The following NCOA5 variants were observed in gnomAD, a reference collection of about 807,000 sequenced individuals.
The protein encoded by NCOA5 is nuclear receptor coactivator 5.
In NCOA5, 12 loss-of-function variants were observed where a neutral mutation model predicts 59.0. The ratio of observed to expected loss-of-function variants is 0.20; its 90% CI spans 0.13 to 0.33. NCOA5 has a LOEUF of 0.33. Among genes scored for constraint, NCOA5 ranks in the 10% least tolerant of loss-of-function variants. The probability of loss-of-function intolerance (pLI) is 1.00; values close to 1 mark genes in which losing one functional copy is unlikely to be tolerated. For synonymous variants in NCOA5, 270 were observed against 275.5 expected, an observed-to-expected ratio of 0.98 and a Z score of 0.20; for missense variants, 655 against 766.6, an observed-to-expected ratio of 0.85 and a Z score of 1.72.
chr20:46,070,277 G>A lies in NCOA5; in HGVS notation c.298C>T (p.Arg100Ter). Reference sequence around the variant, plus strand: ...TCGTACATGGGGTCTCGCTGATCTCGAAAATCCCTAGAGTCTCTTAGATCA... The same window carrying A: ...TCGTACATGGGGTCTCGCTGATCTCAAAAATCCCTAGAGTCTCTTAGATCA... ...FRDLRDSRDF[R>*]DQRDPMYDRY... The change falls in exon 3 of 8, where the codon CGA (arginine) becomes TGA (stop). Residue 100 changes from arginine (R) to a stop codon, truncating the protein, a stop_gained. Transcript: ENST00000290231. LOFTEE classifies it high-confidence loss of function. The A allele has an allele frequency of 6.2e-7, 1 of 1,613,966 alleles. No homozygotes were observed. The highest frequency in any genetic ancestry group is 8.5e-7 in the Non-Finnish European group (1 of 1,180,004).
intron 4 of NCOA5, 133 bp downstream of exon 4, chr20:46,068,369 T>C (rs1844041345): frequency 4.6e-6 from 4 of 872,086 alleles, no homozygotes; most frequent in African/African-American, 1.7e-5. Context: ...AAGCTACTTA[T>C]ATTTCTTCTT....
chr20:46,083,767 A>G (rs544808758), intron 1 of NCOA5, among the ~76,000 whole-genome samples: 1 of 152,378 alleles, frequency 6.6e-6, no homozygotes, highest in African/African-American at 2.4e-5. Context: ...AAGACAGAGA[A>G]TATCACACAT....
chr20:46,063,451 C>T lies in NCOA5; in HGVS notation c.1059G>A (p.Arg353=), dbSNP rs2084789311. ...QSLINLLADN[R]YLTAEETDKI... Reference sequence around the variant, plus strand: ...TGTCAGTCTCTTCAGCAGTGAGGTACCTGTTGTCTGCCAGCAGGTTGATGA... The same window carrying T: ...TGTCAGTCTCTTCAGCAGTGAGGTATCTGTTGTCTGCCAGCAGGTTGATGA... The change falls in exon 7 of 8, where the codon AGG becomes AGA. Residue 353 remains arginine (R), a synonymous_variant. Coordinates refer to ENST00000290231, the MANE Select transcript of NCOA5 (RefSeq NM_020967.3). 4.3e-6 allele frequency: 7 copies of T among 1,614,192 alleles called. No individual in the cohort carries two copies. The highest frequency in any genetic ancestry group is 5.1e-6 in the Non-Finnish European group (6 of 1,180,048).
At chr20:46,070,598 C>G in intron 2 of NCOA5, 62 bp from the exon 3 acceptor site, 1 of 1,512,768 alleles carries the variant, frequency 6.6e-7, no homozygotes, top group Non-Finnish European at 9.1e-7. Context: ...CCCATCAGCT[C>G]TTCATATGAG....
At position 46,089,871 on chromosome 20, in the gene NCOA5, C is replaced by G. The variant is rs1216804533; in HGVS notation, c.-84G>C. 2 of 152,206 alleles carry G rather than the reference C, an allele frequency of 1.3e-5. No homozygotes were observed. Among genetic ancestry groups the G allele is most frequent in the Non-Finnish European group, 2.9e-5 (2 of 68,048 alleles). 9.4% of individuals were successfully genotyped at this position (152,206 alleles called of 1,614,324 possible). On this transcript the variant is annotated 5_prime_UTR_variant, in exon 1 of 8. Coordinates refer to ENST00000290231, the MANE Select transcript of NCOA5 (RefSeq NM_020967.3). The stretch of plus-strand genomic sequence containing the variant: ...TCCTTCGCCTCAGGCCCGCCGCTGC[C>G]GCCTCCGCGTCGGCCCACCTGCCCG...
At chr20:46,072,602 G>C (rs2084894148) in intron 2 of NCOA5, among the ~76,000 whole-genome samples, 1 of 152,108 alleles carries the variant, frequency 6.6e-6, no homozygotes. Context: ...CCTCTCCCTA[G>C]TTCACCACTC....
rs576488023 is a variant in NCOA5, at chr20:46,065,347, T to C, written c.630-119A>G. ...ACCTTAGTCTACCCCAGTACCGTATTCAGGATCCAAGTATCTAGACCAATA... is the reference window on the plus strand; with the variant it reads ...ACCTTAGTCTACCCCAGTACCGTATCCAGGATCCAAGTATCTAGACCAATA... On this transcript the variant is annotated intron_variant, in intron 5 of 7. Transcript: ENST00000290231. 4 of 928,084 alleles carry C rather than the reference T, an allele frequency of 4.3e-6. No homozygotes were observed. In the East Asian group the frequency reaches 1.0e-4, roughly 23 times the overall value. The allele number at this position is 928,084 out of a possible 1,614,324, so 57.5% of individuals were successfully genotyped here.
intron 5 of NCOA5, among the ~76,000 whole-genome samples, chr20:46,066,575 G>A (rs1389429022): frequency 6.6e-6 from 1 of 152,178 alleles, no homozygotes; most frequent in African/African-American, 2.4e-5. Context: ...CCCTGCCAAA[G>A]TGACAGGCTC....
intron 1 of NCOA5, among the ~76,000 whole-genome samples, chr20:46,085,302 T>C (rs2085034582): frequency 1.3e-5 from 2 of 152,108 alleles, no homozygotes; most frequent in Admixed American, 6.5e-5. Context: ...GTTGGGATTA[T>C]AGGCATGAGT....
At chr20:46,068,765 G>A (rs1886568659) in intron 3 of NCOA5, 127 bp from the exon 4 acceptor site, 2 of 831,898 alleles carry the variant, frequency 2.4e-6, no homozygotes, top group African/African-American at 1.7e-5. Flanking sequence ...TCAGCTCTGT[G>A]GCTGTGATAG....
rs962560319 is a variant in NCOA5 at position 46,061,106 on chromosome 20, A to T, written c.*1194T>A. 2.6e-5 allele frequency: 4 copies of T among 152,110 alleles called. No homozygotes were observed. Among genetic ancestry groups the T allele is most frequent in the African/African-American group, 9.7e-5 (4 of 41,430 alleles). The allele number at this position is 152,110 out of a possible 1,614,324, so 9.4% of individuals were successfully genotyped here. ...ACAGGTCAGAACATAAAATGCTGCCATTTGGGGACCTTGAATTTTGAAACC... is the reference window on the plus strand; with the variant it reads ...ACAGGTCAGAACATAAAATGCTGCCTTTTGGGGACCTTGAATTTTGAAACC... On this transcript the variant is annotated 3_prime_UTR_variant, in exon 8 of 8. Coordinates refer to ENST00000290231, the MANE Select transcript of NCOA5 (RefSeq NM_020967.3).
At position 46,062,548 on chromosome 20, in the gene NCOA5, C is replaced by T. The variant is rs1019758227; in HGVS notation, c.1492G>A (p.Gly498Ser). The change falls in exon 8 of 8, where the codon GGC becomes AGC. Residue 498 changes from glycine (G) to serine (S), a missense_variant. Physicochemically the swap from Gly to Ser is moderately conservative, Grantham distance 56. Transcript: ENST00000290231. Reference protein sequence around the residue: ...LGQGGSAQNMGPRPGAPSQGL... With the variant: ...LGQGGSAQNMSPRPGAPSQGL... Reference sequence around the variant, plus strand: ...TGGGAAGGAGCCCCAGGTCTGGGGCCCATGTTCTGAGCAGATCCTCCCTGT... The same window carrying T: ...TGGGAAGGAGCCCCAGGTCTGGGGCTCATGTTCTGAGCAGATCCTCCCTGT... 1.9e-6 allele frequency: 3 copies of T among 1,614,126 alleles called. No individual in the cohort carries two copies. Among genetic ancestry groups the T allele is most frequent in the Non-Finnish European group, 2.5e-6 (3 of 1,180,014 alleles).
chr20:46,085,766 A>G (rs1312585376), intron 1 of NCOA5, among the ~76,000 whole-genome samples: 2 of 152,216 alleles, frequency 1.3e-5, no homozygotes, highest in Non-Finnish European at 2.9e-5. Context: ...TGCTATGGAC[A>G]AGGAAGAATC....
At position 46,062,566 on chromosome 20, in the gene NCOA5, C is replaced by T; in HGVS notation, c.1474G>A (p.Gly492Arg). 3 of 1,614,240 alleles carry T rather than the reference C, an allele frequency of 1.9e-6. No individual in the cohort carries two copies. Among genetic ancestry groups the T allele is most frequent in the Non-Finnish European group, 2.5e-6 (3 of 1,180,058 alleles). Reference protein sequence around the residue: ...NQPPSILGQGGSAQNMGPRPG... With the variant: ...NQPPSILGQGRSAQNMGPRPG... ...CTGGGGCCCATGTTCTGAGCAGATC[C>T]TCCCTGTCCCAAAATGCTTGGAGGC... The change falls in exon 8 of 8, where the codon GGA becomes AGA. Residue 492 changes from glycine (G) to arginine (R), a missense_variant. Transcript: ENST00000290231.
intron 2 of NCOA5, among the ~76,000 whole-genome samples, chr20:46,077,021 T>TTC (rs2084944968): frequency 6.6e-6 from 1 of 152,192 alleles, no homozygotes; most frequent in Non-Finnish European, 1.5e-5. Flanking sequence ...ACTCAAGTGA[T>TTC]TCTCCCGCTT....
chr20:46,079,719 C>T (rs1057277824), intron 1 of NCOA5, among the ~76,000 whole-genome samples: 7 of 152,170 alleles, frequency 4.6e-5, no homozygotes, highest in African/African-American at 1.2e-4. Flanking sequence ...TGCTTTAACA[C>T]GCTGCCAAGA....
At chr20:46,073,199 C>G (rs924515450) in intron 2 of NCOA5, among the ~76,000 whole-genome samples, 1 of 152,014 alleles carries the variant, frequency 6.6e-6, no homozygotes, top group South Asian at 2.1e-4. Context: ...TGGTTACACA[C>G]GTTAGGTATT....
chr20:46,089,399 G>A lies in NCOA5; in HGVS notation c.-30+418C>T, dbSNP rs1032573376. ...ACGCCCGGTGCCACGGGACGCCTTG[G>A]GCCCGGTTCGAATCCCGACTGCGCC... On this transcript the variant is annotated intron_variant, in intron 1 of 7. Coordinates refer to ENST00000290231, the MANE Select transcript of NCOA5 (RefSeq NM_020967.3). 1.1e-4 allele frequency among the ~76,000 whole-genome samples: 16 copies of A among 152,316 alleles called. No individual in the cohort carries two copies. In the East Asian group the frequency reaches 3.1e-3, roughly 29 times the overall value.
chr20:46,073,227 C>T (rs553767213), intron 2 of NCOA5, among the ~76,000 whole-genome samples: 30 of 152,294 alleles, frequency 2.0e-4, no homozygotes, highest in Middle Eastern at 3.4e-3. Flanking sequence ...ATGTCATCAG[C>T]TTGTGGAAAA....
Sources: allele counts gnomAD v4.1 joint callset (sites outside exome capture counted in the v4.1 genomes callset), GRCh38; gene constraint gnomAD v4.1.1; transcripts MANE v1.5; gene names NCBI Gene and HGNC (gene_info 2026-07-23, HGNC 2026-07-21).